Variants in SERTAD2 observed in about 807,000 individuals in gnomAD.
SERTAD2 encodes the protein SERTA domain containing 2, also known as SERTA domain-containing protein 2.
SERTAD2 carries 2 observed loss-of-function variants against 15.4 expected under a neutral mutation model. That is an observed-to-expected ratio of 0.13 (90% confidence interval 0.05 to 0.41). The LOEUF (loss-of-function observed/expected upper bound fraction) is 0.41. Ranked by LOEUF, SERTAD2 falls within the 10% of genes least tolerant of loss-of-function variation. The pLI is 0.99. For synonymous variants in SERTAD2, 180 were observed against 178.0 expected (o/e 1.01, Z -0.09); for missense variants, 333 against 409.7 (o/e 0.81, Z 1.62).
At chr2:64,641,198 T>C (rs3770714) in intron 1 of SERTAD2, among the ~76,000 whole-genome samples, 139,227 of 152,252 alleles carry the variant, frequency 0.91, 63,732 homozygotes, top group African/African-American at 0.94. Context: ...GGACCCTGCC[T>C]TCAAAAGCTA....
intron 1 of SERTAD2, among the ~76,000 whole-genome samples, chr2:64,648,024 A>G (rs1010961405): frequency 4.6e-5 from 7 of 152,248 alleles, no homozygotes; most frequent in Non-Finnish European, 1.0e-4. Context: ...TCCAAAGAGG[A>G]AAACCTGAGA....
chr2:64,653,405 G>A (rs1438677504), intron 1 of SERTAD2, among the ~76,000 whole-genome samples: 1 of 143,770 alleles, frequency 7.0e-6, no homozygotes, highest in Non-Finnish European at 1.5e-5. Flanking sequence ...CGCAGGCGCC[G>A]GGGGTCCGAG....
Position 64,634,921 on chromosome 2 carries a change from A to G in SERTAD2, c.*1006T>C, listed in dbSNP as rs2070063. ...AAGAAAGACAGTAGCTTTACCCTCA[A>G]AAGAGGGAGCAAAAGAGAACCATCA... On this transcript the variant is annotated 3_prime_UTR_variant, in exon 2 of 2. Transcript: ENST00000313349. The G allele has an allele frequency of 0.4, 60,548 of 152,574 alleles. 12,199 individuals carry two copies. Among genetic ancestry groups the G allele is most frequent in the East Asian group, 0.45 (2,333 of 5,174 alleles). The allele number at this position is 152,574 out of a possible 1,614,324, so 9.5% of individuals were successfully genotyped here. A position where few individuals can be genotyped will look rare whatever the true frequency, so the allele number is the denominator to read the frequency against.
At chr2:64,638,110 C>G (rs1175877678) in intron 1 of SERTAD2, among the ~76,000 whole-genome samples, 1 of 152,220 alleles carries the variant, frequency 6.6e-6, no homozygotes, top group African/African-American at 2.4e-5. Flanking sequence ...GTCCCCGCCT[C>G]CAGCTACAGC....
intron 1 of SERTAD2, among the ~76,000 whole-genome samples, chr2:64,642,373 G>C (rs1411194956): frequency 2.0e-5 from 3 of 152,016 alleles, no homozygotes; most frequent in African/African-American, 7.2e-5. Context: ...GTTTAAAAGA[G>C]TAAGTAACAT....
intron 1 of SERTAD2, among the ~76,000 whole-genome samples, chr2:64,637,811 C>T (rs1269689603): frequency 6.6e-6 from 1 of 152,192 alleles, no homozygotes; most frequent in Non-Finnish European, 1.5e-5. Flanking sequence ...CCCCATCTTG[C>T]CTGCTGCTCA....
At chr2:64,637,250 G>A (rs1174640227) in intron 1 of SERTAD2, among the ~76,000 whole-genome samples, 3 of 152,148 alleles carry the variant, frequency 2.0e-5, no homozygotes, top group African/African-American at 4.8e-5. Context: ...CCTCCCCCAC[G>A]TAGATTTATT....
chr2:64,651,711 T>C (rs1675014353), intron 1 of SERTAD2, among the ~76,000 whole-genome samples: 1 of 152,196 alleles, frequency 6.6e-6, no homozygotes, highest in Non-Finnish European at 1.5e-5. Flanking sequence ...ATTAATATCC[T>C]TCTCTTAGTT....
In SERTAD2 at chr2:64,635,963, C is replaced by T; in HGVS notation, c.909G>A (p.Glu303=). Residue 303 remains glutamate (E), a synonymous_variant, in exon 2 of 2, where the codon GAG becomes GAA. Coordinates refer to ENST00000313349, the MANE Select transcript of SERTAD2 (RefSeq NM_014755.3). ...PSQPFKMDLT[E]LDHIMEVLVG... ...CAAGCACCTCCATGATGTGGTCCAG[C>T]TCTGTGAGGTCCATTTTGAAAGGCT... The T allele has an allele frequency of 6.2e-7, 1 of 1,613,994 alleles. No individual in the cohort carries two copies. Among genetic ancestry groups the T allele is most frequent in the Non-Finnish European group, 8.5e-7 (1 of 1,179,932 alleles).
At chr2:64,648,689 A>T (rs909639574) in intron 1 of SERTAD2, among the ~76,000 whole-genome samples, 1 of 152,030 alleles carries the variant, frequency 6.6e-6, no homozygotes, top group African/African-American at 2.4e-5. Flanking sequence ...CTGCCACTCT[A>T]TTCATTCTAC....
At chr2:64,649,616 C>T (rs948083571) in intron 1 of SERTAD2, among the ~76,000 whole-genome samples, 13 of 152,214 alleles carry the variant, frequency 8.5e-5, no homozygotes, top group Non-Finnish European at 1.6e-4. Flanking sequence ...TAATTAGTAA[C>T]TCTGCAAAGC....
At chr2:64,642,611 A>G (rs1674798701) in intron 1 of SERTAD2, among the ~76,000 whole-genome samples, 2 of 152,034 alleles carry the variant, frequency 1.3e-5, no homozygotes, top group Non-Finnish European at 2.9e-5. Context: ...CCAAACTACC[A>G]CTTCTGTCAT....
intron 1 of SERTAD2, among the ~76,000 whole-genome samples, chr2:64,638,370 A>G (rs1187219457): frequency 6.6e-6 from 1 of 152,258 alleles, no homozygotes; most frequent in Non-Finnish European, 1.5e-5. Flanking sequence ...GAGGCTAAAT[A>G]GCCCCTCCTA....
rs1006749082 is a variant in SERTAD2 at position 64,633,900 on chromosome 2, T to C, written c.*2027A>G. On this transcript the variant is annotated 3_prime_UTR_variant, in exon 2 of 2. Transcript: ENST00000313349. ...AATGTAGAAAGCCTTTATCATATCA[T>C]ACTCAAATCTTTTGCTTAGATGAGC... 1 of 152,436 alleles carries C rather than the reference T, an allele frequency of 6.6e-6. No individual in the cohort carries two copies. Among genetic ancestry groups the C allele is most frequent in the Admixed American group, 6.5e-5 (1 of 15,270 alleles). 9.4% of individuals were successfully genotyped at this position (152,436 alleles called of 1,614,324 possible).
Position 64,636,694 on chromosome 2 carries a change from G to C in SERTAD2, c.178C>G (p.Gln60Glu). The change falls in exon 2 of 2, where the codon CAA becomes GAA. Residue 60 changes from glutamine (Q) to glutamate (E), a missense_variant. This residue lies in a region of SERTAD2 where 332 missense variants were observed against 392.9 expected (regional missense o/e 0.84). Transcript: ENST00000313349. ...NHRPLTEPSL[Q>E]KTVLINNMLR... Reference sequence around the variant, plus strand: ...ATGTTGTTAATTAAAACGGTCTTTTGCAAGCTGGGCTCTGTCAGGGGCCTG... The same window carrying C: ...ATGTTGTTAATTAAAACGGTCTTTTCCAAGCTGGGCTCTGTCAGGGGCCTG... 5.0e-6 allele frequency: 8 copies of C among 1,614,122 alleles called. 1 individual carries two copies. In the South Asian group the frequency reaches 5.5e-5, roughly 11 times the overall value.
intron 1 of SERTAD2, among the ~76,000 whole-genome samples, chr2:64,647,167 CTATT>C (rs1373270395): frequency 6.6e-6 from 1 of 152,082 alleles, no homozygotes; most frequent in Non-Finnish European, 1.5e-5. Context: ...GGGATTCTTT[CTATT>C]TAAATTATAA....
rs766301856 is a variant in SERTAD2 at position 64,635,884 on chromosome 2, C to A, written c.*43G>T. On this transcript the variant is annotated 3_prime_UTR_variant, in exon 2 of 2. Coordinates refer to ENST00000313349, the MANE Select transcript of SERTAD2 (RefSeq NM_014755.3). ...TGGAGAACTGTCAGGGTTATGGGAA[C>A]GCTCTGGGGTCTGGGTGGGCATAGT... 2.7e-6 allele frequency: 4 copies of A among 1,456,284 alleles called. No homozygotes were observed. The Admixed American group carries it at 7.3e-5, about 27-fold the overall frequency. The allele number at this position is 1,456,284 out of a possible 1,614,324, so 90.2% of individuals were successfully genotyped here. A position where few individuals can be genotyped will look rare whatever the true frequency, so the allele number is the denominator to read the frequency against.
intron 1 of SERTAD2, among the ~76,000 whole-genome samples, chr2:64,639,387 A>T (rs1169979431): frequency 6.6e-6 from 1 of 152,224 alleles, no homozygotes; most frequent in African/African-American, 2.4e-5. Flanking sequence ...TCATTTTATG[A>T]TAATTATTTT....
In SERTAD2 at chr2:64,635,721, A is replaced by C; in HGVS notation, c.*206T>G. The C allele has an allele frequency of 1.9e-6, 1 of 538,198 alleles. No homozygotes were observed. Among genetic ancestry groups the C allele is most frequent in the Non-Finnish European group, 3.3e-6 (1 of 301,178 alleles). 33.3% of individuals were successfully genotyped at this position (538,198 alleles called of 1,614,324 possible). On this transcript the variant is annotated 3_prime_UTR_variant, in exon 2 of 2. Coordinates refer to ENST00000313349, the MANE Select transcript of SERTAD2 (RefSeq NM_014755.3). The stretch of plus-strand genomic sequence containing the variant: ...TACCAGGGTAGTAGGTCTCTGAGGA[A>C]CCACTCAAAAAAGTGTATTAAAAGT...
Sources: gnomAD v4.1 joint callset for allele counts (sites outside exome capture counted in the v4.1 genomes callset) on GRCh38, gnomAD v4.1.1 for gene constraint, gnomAD v4.1.1 regional missense constraint, MANE v1.5 for transcripts, NCBI Gene and HGNC (gene_info 2026-07-23, HGNC 2026-07-21) for gene names.